FRYL: variants seen among roughly 807,000 people sequenced by gnomAD.
FRYL encodes protein furry homolog-like.
In FRYL, 150 loss-of-function variants were observed where a neutral mutation model predicts 351.2. The ratio of observed to expected loss-of-function variants is 0.43; its 90% CI spans 0.37 to 0.49. FRYL has a LOEUF of 0.49. Ranked by LOEUF, FRYL falls within the 20% of genes least tolerant of loss-of-function variation. The pLI, the probability that FRYL is intolerant of heterozygous loss-of-function variation, is 0.00. For synonymous variants in FRYL, 1,153 were observed against 1,257.1 expected, an observed-to-expected ratio of 0.92 and a Z score of 1.75; for missense variants, 3,036 against 3,619.3, an observed-to-expected ratio of 0.84 and a Z score of 4.13.
intron 49 of FRYL, among the ~76,000 whole-genome samples, 177 bp downstream of exon 49, chr4:48,534,368 G>A (rs952912420): frequency 6.6e-6 from 1 of 152,196 alleles, no homozygotes; most frequent in African/African-American, 2.4e-5. Flanking sequence ...TACTAATTCT[G>A]ATTCTGGTTT....
Position 48,623,194 on chromosome 4 carries a change from A to T in FRYL, c.121-15T>A, listed in dbSNP as rs1331843557. On this transcript the variant is annotated splice_polypyrimidine_tract_variant and intron_variant, in intron 4 of 63. Transcript: ENST00000358350. ...AATAGCTTCTCCTATGATTAAAAAAAACAAACATTAAAAATAAAAATAAAG... is the reference window on the plus strand; with the variant it reads ...AATAGCTTCTCCTATGATTAAAAAATACAAACATTAAAAATAAAAATAAAG... 4 of 1,283,770 alleles carry T rather than the reference A, an allele frequency of 3.1e-6. No individual in the cohort carries two copies. The highest frequency in any genetic ancestry group is 4.3e-6 in the Non-Finnish European group (4 of 923,472). 79.5% of individuals were successfully genotyped at this position (1,283,770 alleles called of 1,614,324 possible). A position where few individuals can be genotyped will look rare whatever the true frequency, so the allele number is the denominator to read the frequency against.
chr4:48,666,908 T>A (rs1421587142), intron 3 of FRYL, among the ~76,000 whole-genome samples: 1 of 152,090 alleles, frequency 6.6e-6, no homozygotes, highest in Non-Finnish European at 1.5e-5. Flanking sequence ...AAGAACTAAG[T>A]ATAAGAAGAA....
At position 48,565,663 on chromosome 4, in the gene FRYL, T is replaced by C. The variant is rs372150391; in HGVS notation, c.3198A>G (p.Gln1066=). Residue 1066 remains glutamine, a synonymous_variant, in exon 29 of 64, where the codon CAA becomes CAG. Coordinates refer to ENST00000358350, the MANE Select transcript of FRYL (RefSeq NM_015030.2). ...TAAATAGACTGTGACGAAGGCTCTG[T>C]TGAGGAAAAATACTTCTTCTCTGGT... The part of the protein sequence containing the change: ...PVHQRRSIFP[Q]QSLRHSLFML... The C allele has an allele frequency of 1.9e-6, 3 of 1,610,344 alleles. No individual in the cohort carries two copies. Among genetic ancestry groups the C allele is most frequent in the Non-Finnish European group, 2.5e-6 (3 of 1,179,226 alleles).
At chr4:48,507,708 A>AGATAGAT (rs1312034567) in intron 59 of FRYL, among the ~76,000 whole-genome samples, 1 of 151,150 alleles carries the variant, frequency 6.6e-6, no homozygotes, top group African/African-American at 2.4e-5. Context: ...TTTCAAAGAT[A>AGATAGAT]GATAGATGAT....
chr4:48,562,782 T>C (rs1735816673), intron 32 of FRYL, 107 bp downstream of exon 32: 4 of 661,188 alleles, frequency 6.0e-6, no homozygotes, highest in Non-Finnish European at 1.1e-5. Flanking sequence ...TTCTTTACTA[T>C]AAATAAAGCT....
intron 53 of FRYL, among the ~76,000 whole-genome samples, chr4:48,526,093 A>G (rs1344071778): frequency 2.0e-5 from 3 of 151,892 alleles, no homozygotes; most frequent in Admixed American, 6.6e-5. Flanking sequence ...TATGAGTTGT[A>G]TATGTGTATG....
chr4:48,626,033 A>C (rs111549636), intron 4 of FRYL, among the ~76,000 whole-genome samples: 1 of 152,142 alleles, frequency 6.6e-6, no homozygotes, highest in East Asian at 1.9e-4. Context: ...CCTTAAACTC[A>C]AGGGTTGCTG....
chr4:48,707,265 A>G (rs1767471324), intron 2 of FRYL, among the ~76,000 whole-genome samples: 1 of 152,196 alleles, frequency 6.6e-6, no homozygotes, highest in South Asian at 2.1e-4. Flanking sequence ...TTCTGAGTAT[A>G]TACCCAAGGA....
chr4:48,708,814 A>T (rs1767671125), intron 2 of FRYL, among the ~76,000 whole-genome samples: 1 of 151,956 alleles, frequency 6.6e-6, no homozygotes, highest in African/African-American at 2.4e-5. Context: ...GGCTGGTCTC[A>T]AACTCTTGGC....
intron 3 of FRYL, among the ~76,000 whole-genome samples, chr4:48,655,713 T>C (rs934125544): frequency 1.4e-5 from 2 of 146,716 alleles, no homozygotes; most frequent in African/African-American, 4.9e-5. Flanking sequence ...TATATATACA[T>C]ATAATGTATA....
intron 1 of FRYL, among the ~76,000 whole-genome samples, chr4:48,724,197 A>T (rs1445028685): frequency 6.6e-6 from 1 of 152,090 alleles, no homozygotes; most frequent in Non-Finnish European, 1.5e-5. Flanking sequence ...CTCCACCAAT[A>T]CTCAAAGTCC....
intron 3 of FRYL, among the ~76,000 whole-genome samples, chr4:48,674,562 C>T (rs1406087793): frequency 6.6e-6 from 1 of 151,660 alleles, no homozygotes; most frequent in Non-Finnish European, 1.5e-5. Flanking sequence ...ACGGTGAAAA[C>T]CCATCTTTAC....
intron 3 of FRYL, among the ~76,000 whole-genome samples, chr4:48,684,239 G>A (rs981837824): frequency 5.3e-5 from 8 of 152,170 alleles, no homozygotes; most frequent in African/African-American, 1.7e-4. Flanking sequence ...TACCCAAAAA[G>A]CTGACTACTT....
At chr4:48,696,604 G>A (rs1484568067) in intron 2 of FRYL, among the ~76,000 whole-genome samples, 2 of 151,868 alleles carry the variant, frequency 1.3e-5, no homozygotes, top group Non-Finnish European at 2.9e-5. Context: ...AAATGATGGG[G>A]GGATAGGTGC....
At chr4:48,674,996 C>T (rs1325712632) in intron 3 of FRYL, among the ~76,000 whole-genome samples, 3 of 152,158 alleles carry the variant, frequency 2.0e-5, no homozygotes, top group African/African-American at 7.2e-5. Flanking sequence ...TGTCTTTTTG[C>T]CTAAAACGAA....
chr4:48,744,479 G>A (rs1772449664), intron 1 of FRYL, among the ~76,000 whole-genome samples: 1 of 152,204 alleles, frequency 6.6e-6, no homozygotes, highest in Non-Finnish European at 1.5e-5. Flanking sequence ...GAGTTACACA[G>A]GGAACCCCAA....
chr4:48,562,855 G>T, intron 32 of FRYL, 34 bp downstream of exon 32: 1 of 1,214,012 alleles, frequency 8.2e-7, no homozygotes, highest in Non-Finnish European at 1.2e-6. Flanking sequence ...TAAATCCTGA[G>T]TAAAAAAATA....
intron 4 of FRYL, among the ~76,000 whole-genome samples, chr4:48,627,967 C>T (rs1353234633): frequency 6.6e-6 from 1 of 152,122 alleles, no homozygotes; most frequent in African/African-American, 2.4e-5. Flanking sequence ...GATGGGGTTT[C>T]ACCATGTTGG....
chr4:48,641,040 C>A (rs1755212681), intron 3 of FRYL, among the ~76,000 whole-genome samples: 1 of 152,110 alleles, frequency 6.6e-6, no homozygotes. Context: ...ACAGAAAAAG[C>A]AAAATCAGTA....
Sources: gnomAD v4.1 joint callset for allele counts (sites outside exome capture counted in the v4.1 genomes callset) on GRCh38, gnomAD v4.1.1 for gene constraint, MANE v1.5 for transcripts, NCBI Gene and HGNC (gene_info 2026-07-23, HGNC 2026-07-21) for gene names.